Variants in CPQ observed in about 807,000 individuals in gnomAD.
CPQ encodes Ser-Met dipeptidase.
CPQ carries 37 observed loss-of-function variants against 45.7 expected under a neutral mutation model. The ratio of observed to expected loss-of-function variants is 0.81; its 90% CI spans 0.62 to 1.07. The LOEUF (loss-of-function observed/expected upper bound fraction) is 1.07. CPQ is among the 50% of genes least tolerant of loss of function. CPQ has a pLI of 0.00. For missense variants in CPQ, 537 were observed against 572.9 expected, an observed-to-expected ratio of 0.94 and a Z score of 0.64; for synonymous variants, 186 against 205.8, an observed-to-expected ratio of 0.90 and a Z score of 0.82.
intron 1 of CPQ, among the ~76,000 whole-genome samples, chr8:96,665,160 G>A (rs986022721): frequency 3.3e-5 from 5 of 152,270 alleles, no homozygotes; most frequent in African/African-American, 7.2e-5. Flanking sequence ...GAGCTGAATC[G>A]ATTGTAGAGA....
At chr8:96,817,744 G>A (rs536378072) in intron 2 of CPQ, among the ~76,000 whole-genome samples, 11 of 151,998 alleles carry the variant, frequency 7.2e-5, no homozygotes, top group African/African-American at 2.2e-4. Context: ...CTTCTGAGTA[G>A]CTGGGACTAT....
At chr8:97,001,688 T>C (rs894328443) in intron 5 of CPQ, among the ~76,000 whole-genome samples, 1 of 151,186 alleles carries the variant, frequency 6.6e-6, no homozygotes, top group Admixed American at 6.6e-5. Context: ...TTATTAAGGA[T>C]ACTGGCCTGA....
chr8:96,918,384 A>G (rs1387175989), intron 4 of CPQ, among the ~76,000 whole-genome samples: 1 of 152,036 alleles, frequency 6.6e-6, no homozygotes. Context: ...TATTAAATCA[A>G]CATTTAGTGT....
chr8:96,785,488 TTC>T (rs368971106), intron 2 of CPQ, among the ~76,000 whole-genome samples, 158 bp downstream of exon 2: 3 of 152,294 alleles, frequency 2.0e-5, no homozygotes, highest in Middle Eastern at 3.4e-3. Context: ...CATTTTTTAC[TTC>T]TGTTTCTTTT....
intron 7 of CPQ, among the ~76,000 whole-genome samples, chr8:97,091,679 C>T (rs1465969193): frequency 6.6e-6 from 1 of 152,084 alleles, no homozygotes; most frequent in African/African-American, 2.4e-5. Context: ...ATGCAAATCC[C>T]TAGCATTTAG....
At chr8:96,747,290 CAAAA>C (rs397891702) in intron 1 of CPQ, among the ~76,000 whole-genome samples, 26 of 96,828 alleles carry the variant, frequency 2.7e-4, no homozygotes, top group African/African-American at 9.7e-4. Flanking sequence ...ATCTTTGTCT[CAAAA>C]AAAAAAAAAA....
At chr8:97,036,112 C>A (rs546963396) in intron 6 of CPQ, among the ~76,000 whole-genome samples, 1 of 152,212 alleles carries the variant, frequency 6.6e-6, no homozygotes, top group East Asian at 1.9e-4. Context: ...GTTGGAGGGA[C>A]CTTATTTCAA....
intron 1 of CPQ, among the ~76,000 whole-genome samples, chr8:96,743,663 G>T (rs889071160): frequency 2.6e-5 from 4 of 152,136 alleles, no homozygotes; most frequent in Non-Finnish European, 5.9e-5. Context: ...TGGTGTGGAT[G>T]TCCTTTCTGT....
chr8:96,964,494 ATCTT>A (rs967277257), intron 4 of CPQ, among the ~76,000 whole-genome samples: 20 of 152,186 alleles, frequency 1.3e-4, no homozygotes, highest in Non-Finnish European at 2.5e-4. Context: ...TAATTTGCAT[ATCTT>A]TCTTTGTGAA....
intron 6 of CPQ, among the ~76,000 whole-genome samples, chr8:97,057,023 C>A (rs1379402862): frequency 6.6e-6 from 1 of 152,110 alleles, no homozygotes; most frequent in Non-Finnish European, 1.5e-5. Context: ...GCAACCCTAT[C>A]TTAGTCATCT....
chr8:96,881,507 G>T (rs943404837), intron 4 of CPQ, among the ~76,000 whole-genome samples: 6 of 152,116 alleles, frequency 3.9e-5, no homozygotes, highest in African/African-American at 1.4e-4. Flanking sequence ...CCTCACCTCC[G>T]ACATTCGAAT....
intron 4 of CPQ, among the ~76,000 whole-genome samples, chr8:96,957,569 G>A (rs1813376361): frequency 6.6e-6 from 1 of 152,086 alleles, no homozygotes; most frequent in Non-Finnish European, 1.5e-5. Flanking sequence ...TTGGGAGGCT[G>A]AGGCAGGCAG....
chr8:96,771,712 T>G (rs1275954206), intron 1 of CPQ, among the ~76,000 whole-genome samples: 1 of 152,214 alleles, frequency 6.6e-6, no homozygotes, highest in African/African-American at 2.4e-5. Context: ...TATTCAGCAC[T>G]GTTCTTTGGG....
chr8:96,947,184 G>T (rs1418801941), intron 4 of CPQ, among the ~76,000 whole-genome samples: 1 of 152,050 alleles, frequency 6.6e-6, no homozygotes, highest in Admixed American at 6.6e-5. Flanking sequence ...GAGATATATT[G>T]GTACAGCATT....
chr8:96,666,248 G>A (rs554594193), intron 1 of CPQ, among the ~76,000 whole-genome samples: 2 of 152,268 alleles, frequency 1.3e-5, no homozygotes, highest in Non-Finnish European at 2.9e-5. Context: ...ATGCTGGTGG[G>A]ATGGGCTTTG....
At chr8:96,892,888 C>T (rs930210918) in intron 4 of CPQ, among the ~76,000 whole-genome samples, 2 of 152,106 alleles carry the variant, frequency 1.3e-5, no homozygotes, top group African/African-American at 4.8e-5. Flanking sequence ...GTCTGAACAC[C>T]TTGCCTTTTT....
intron 4 of CPQ, among the ~76,000 whole-genome samples, chr8:96,909,453 C>CT (rs1812626122): frequency 6.6e-6 from 1 of 152,104 alleles, no homozygotes; most frequent in Non-Finnish European, 1.5e-5. Context: ...AGAGAGGAGA[C>CT]TTTTTCAGTG....
chr8:96,930,102 G>T (rs965937582), intron 4 of CPQ, among the ~76,000 whole-genome samples: 10 of 152,148 alleles, frequency 6.6e-5, no homozygotes, highest in African/African-American at 2.4e-4. Flanking sequence ...TATGGCAACA[G>T]AAATGAAAAA....
In CPQ at chr8:96,734,440, G is replaced by T. The variant is rs112693942; in HGVS notation, c.-34-50424G>T. On this transcript the variant is annotated intron_variant, in intron 1 of 7. Coordinates refer to ENST00000220763, the MANE Select transcript of CPQ (RefSeq NM_016134.4). ...TAAAATCCTCTGACAGGCTGGGCGC[G>T]GTGGGTCACGCCTGTAATCCCAGCA... Among the ~76,000 whole-genome samples the T allele has an allele frequency of 4.5e-3, 687 of 152,252 alleles. 12 individuals are homozygous for T. The highest frequency in any genetic ancestry group is 0.015 in the African/African-American group (626 of 41,564).
Sources: allele counts gnomAD v4.1 joint callset (sites outside exome capture counted in the v4.1 genomes callset), GRCh38; gene constraint gnomAD v4.1.1; transcripts MANE v1.5; gene names NCBI Gene and HGNC (gene_info 2026-07-23, HGNC 2026-07-21).